AGBL1: variants seen among roughly 807,000 people sequenced by gnomAD.
AGBL1 encodes AGBL carboxypeptidase 1.
A neutral mutation model predicts 118.9 loss-of-function variants in AGBL1; 130 were observed. That is an observed-to-expected ratio of 1.09 (90% CI 0.95 to 1.26). The LOEUF (loss-of-function observed/expected upper bound fraction) is 1.26, where lower values mean the gene tolerates loss of function less well. Among genes scored for constraint, AGBL1 ranks in the 50% most tolerant of loss-of-function variants. The probability of loss-of-function intolerance (pLI) is 0.00; values close to 1 mark genes in which losing one functional copy is unlikely to be tolerated. For missense variants in AGBL1, 1,584 were observed against 1,298.1 expected (o/e 1.22, Z -3.38); for synonymous variants, 555 against 478.9 (o/e 1.16, Z -2.08).
rs2078564450 is a variant in AGBL1 at position 86,795,932 on chromosome 15, A to G, written c.3159-111155A>G. The stretch of plus-strand genomic sequence containing the variant: ...CCCAGAAGGCACACAATAAGAAAGC[A>G]CCAGATTGCCTTCCTGGAGACATGG... On this transcript the variant is annotated intron_variant, in intron 22 of 22. Coordinates refer to ENST00000614907, the MANE Select transcript of AGBL1 (RefSeq NM_001386094.1). 2.6e-5 allele frequency among the ~76,000 whole-genome samples: 4 copies of G among 151,534 alleles called. No homozygotes were observed. The South Asian group carries it at 8.4e-4, about 32-fold the overall frequency.
At chr15:86,293,900 G>A (rs1441478636) in intron 16 of AGBL1, among the ~76,000 whole-genome samples, 1 of 152,004 alleles carries the variant, frequency 6.6e-6, no homozygotes, top group Non-Finnish European at 1.5e-5. Flanking sequence ...CCTTGATTGT[G>A]GAAAAAACTT....
At chr15:86,324,383 T>C (rs892926389) in intron 17 of AGBL1, among the ~76,000 whole-genome samples, 2 of 152,200 alleles carry the variant, frequency 1.3e-5, no homozygotes, top group African/African-American at 2.4e-5. Context: ...GGTAGGTGTT[T>C]CCCATTATGG....
chr15:86,928,426 T>A (rs1010193440), intron 23 of AGBL1, among the ~76,000 whole-genome samples: 1 of 152,092 alleles, frequency 6.6e-6, no homozygotes, highest in Non-Finnish European at 1.5e-5. Flanking sequence ...ATCCTGACAA[T>A]GAACCCGATT....
At chr15:86,906,808 C>A (rs1458805959) in intron 22 of AGBL1, among the ~76,000 whole-genome samples, 1 of 151,902 alleles carries the variant, frequency 6.6e-6, no homozygotes, top group Non-Finnish European at 1.5e-5. Flanking sequence ...CAAATTGTTA[C>A]AACTTTCCCC....
At chr15:86,800,851 A>G (rs1196980433) in intron 22 of AGBL1, among the ~76,000 whole-genome samples, 1 of 152,166 alleles carries the variant, frequency 6.6e-6, no homozygotes. Flanking sequence ...AAAAAAGAGA[A>G]CTAAGCTATC....
chr15:86,200,287 A>G (rs1003989448), intron 5 of AGBL1, among the ~76,000 whole-genome samples: 1 of 152,216 alleles, frequency 6.6e-6, no homozygotes, highest in Admixed American at 6.5e-5. Flanking sequence ...AAATTGATGG[A>G]TCAGAGACTT....
Position 86,547,818 on chromosome 15 carries a change from T to A in AGBL1, c.2817+1685T>A, listed in dbSNP as rs138609683. Among the ~76,000 whole-genome samples the A allele has an allele frequency of 7.9e-4, 120 of 152,302 alleles. 1 individual carries two copies. The highest frequency in any genetic ancestry group is 2.8e-3 in the African/African-American group (117 of 41,576). On this transcript the variant is annotated intron_variant, in intron 20 of 22. Transcript: ENST00000614907. Reference sequence around the variant, plus strand: ...AAGTTAAATTTTCTACATAGTTTATTACATCAAGTTTGTTGGTGCCCTGGG... The same window carrying A: ...AAGTTAAATTTTCTACATAGTTTATAACATCAAGTTTGTTGGTGCCCTGGG...
At chr15:86,798,925 G>T (rs2078611334) in intron 22 of AGBL1, among the ~76,000 whole-genome samples, 1 of 151,970 alleles carries the variant, frequency 6.6e-6, no homozygotes, top group Admixed American at 6.6e-5. Flanking sequence ...ATTTGGGGAA[G>T]AAGCTGGTTT....
intron 5 of AGBL1, among the ~76,000 whole-genome samples, chr15:86,190,427 G>A (rs1252273689): frequency 1.3e-5 from 2 of 151,958 alleles, no homozygotes; most frequent in African/African-American, 4.8e-5. Context: ...ATGATTTCAA[G>A]TAAACATCTA....
intron 19 of AGBL1, among the ~76,000 whole-genome samples, chr15:86,545,292 C>G (rs2083564215): frequency 6.6e-6 from 1 of 152,154 alleles, no homozygotes. Context: ...GATGGTCATT[C>G]TTTTCCACAT....
intron 21 of AGBL1, among the ~76,000 whole-genome samples, chr15:86,573,280 G>A (rs900831980): frequency 6.6e-6 from 1 of 152,140 alleles, no homozygotes; most frequent in Non-Finnish European, 1.5e-5. Context: ...CCTGCAATAT[G>A]TTAAGTGCCA....
chr15:86,777,415 C>A (rs1317789595), intron 22 of AGBL1, among the ~76,000 whole-genome samples: 1 of 139,732 alleles, frequency 7.2e-6, no homozygotes, highest in East Asian at 2.0e-4. Context: ...TTACAGTGGC[C>A]TCTTCCATCT....
At chr15:86,251,214 C>A (rs569977635) in intron 7 of AGBL1, among the ~76,000 whole-genome samples, 1 of 152,286 alleles carries the variant, frequency 6.6e-6, no homozygotes, top group South Asian at 2.1e-4. Context: ...CCCAAGTTCG[C>A]AAAGCTCATA....
At chr15:86,410,897 ATAT>A (rs1279232029) in intron 18 of AGBL1, among the ~76,000 whole-genome samples, 12 of 119,212 alleles carry the variant, frequency 1.0e-4, no homozygotes, top group South Asian at 7.0e-4. Context: ...ATATTATATA[ATAT>A]TATATATAAT....
At position 86,123,305 on chromosome 15, in the gene AGBL1, T is replaced by A. The variant is rs532443189; in HGVS notation, c.52-18699T>A. Among the ~76,000 whole-genome samples the A allele has an allele frequency of 2.6e-5, 4 of 152,256 alleles. No homozygotes were observed. The East Asian group carries it at 5.8e-4, about 22-fold the overall frequency. ...CCCACACTGGAGTGCAGTGGCACAA[T>A]CTCAGCTCACTGCAACCTCTGCCTC... On this transcript the variant is annotated intron_variant, in intron 1 of 22. Coordinates refer to ENST00000614907, the MANE Select transcript of AGBL1 (RefSeq NM_001386094.1).
In AGBL1 at chr15:86,403,424, T is replaced by C. The variant is rs141711146; in HGVS notation, c.2555+5878T>C. On this transcript the variant is annotated intron_variant, in intron 18 of 22. Coordinates refer to ENST00000614907, the MANE Select transcript of AGBL1 (RefSeq NM_001386094.1). ...ACACCAAGGTATTAAAACATAATAG[T>C]TGAATGCACTAGAGGAAACAAATCA... Among the ~76,000 whole-genome samples the C allele has an allele frequency of 5.3e-3, 814 of 152,230 alleles. 5 individuals carry two copies. The highest frequency in any genetic ancestry group is 0.017 in the African/African-American group (692 of 41,530).
intron 22 of AGBL1, among the ~76,000 whole-genome samples, chr15:86,796,234 A>G (rs1318159570): frequency 1.3e-5 from 2 of 152,152 alleles, no homozygotes; most frequent in Admixed American, 1.3e-4. Context: ...CACTGGGAAA[A>G]GTGAAGAGAT....
Position 86,915,625 on chromosome 15 carries a change from T to A in AGBL1, c.*8331T>A, listed in dbSNP as rs1459730265. On this transcript the variant is annotated 3_prime_UTR_variant, in exon 23 of 23. Coordinates refer to ENST00000614907, the MANE Select transcript of AGBL1 (RefSeq NM_001386094.1). ...GTATGGCATTGCCTGTGGACTTTGCTGTCCCCTCTTCACCTCCCCCCCACC... is the reference window on the plus strand; with the variant it reads ...GTATGGCATTGCCTGTGGACTTTGCAGTCCCCTCTTCACCTCCCCCCCACC... 1 of 152,182 alleles carries A rather than the reference T, an allele frequency of 6.6e-6. No homozygotes were observed. The highest frequency in any genetic ancestry group is 2.4e-5 in the African/African-American group (1 of 41,432). 9.4% of individuals were successfully genotyped at this position (152,182 alleles called of 1,614,324 possible).
At chr15:86,455,876 A>T (rs1444152288) in intron 18 of AGBL1, among the ~76,000 whole-genome samples, 1 of 152,084 alleles carries the variant, frequency 6.6e-6, no homozygotes. Context: ...TTTTTATTCA[A>T]ATCTCTCATA....
Sources: gnomAD v4.1 joint callset for allele counts (sites outside exome capture counted in the v4.1 genomes callset) on GRCh38, gnomAD v4.1.1 for gene constraint, MANE v1.5 for transcripts, NCBI Gene and HGNC (gene_info 2026-07-23, HGNC 2026-07-21) for gene names.